The following PCDHA8 variants were observed in gnomAD, a reference collection of about 807,000 sequenced individuals.
PCDHA8 encodes the protein protocadherin alpha-8.
PCDHA8 carries 53 observed loss-of-function variants against 61.8 expected under a neutral mutation model. That is an observed-to-expected ratio of 0.86 (90% CI 0.69 to 1.08). The LOEUF (loss-of-function observed/expected upper bound fraction) is 1.08. Ranked by LOEUF, PCDHA8 falls within the 50% of genes least tolerant of loss-of-function variation. The probability of loss-of-function intolerance (pLI) is 0.00; values close to 1 mark genes in which losing one functional copy is unlikely to be tolerated. For synonymous variants in PCDHA8, 618 were observed against 556.6 expected (o/e 1.11, Z -1.55); for missense variants, 1,293 against 1,245.0 (o/e 1.04, Z -0.58).
chr5:140,980,810 GA>G (rs1410107766), intron 2 of PCDHA8, among the ~76,000 whole-genome samples: 5 of 152,024 alleles, frequency 3.3e-5, no homozygotes, highest in Non-Finnish European at 7.4e-5. Context: ...GTAATACATT[GA>G]ACATATTAAA....
chr5:140,890,836 C>A (rs1189670490), intron 1 of PCDHA8, among the ~76,000 whole-genome samples: 1 of 151,884 alleles, frequency 6.6e-6, no homozygotes, highest in Admixed American at 6.6e-5. Flanking sequence ...ACATATTTAC[C>A]AGTTTTGTTT....
chr5:140,948,645 C>T (rs1468901970), intron 1 of PCDHA8, among the ~76,000 whole-genome samples: 1 of 151,562 alleles, frequency 6.6e-6, no homozygotes. Flanking sequence ...CATCTTTTAA[C>T]GTCTGTATAA....
chr5:140,942,122 G>A (rs2093234713), intron 1 of PCDHA8, among the ~76,000 whole-genome samples: 1 of 152,064 alleles, frequency 6.6e-6, no homozygotes, highest in Non-Finnish European at 1.5e-5. Flanking sequence ...TTTATTAAAG[G>A]TGATATTTGT....
At chr5:140,895,904 C>T (rs956599707) in intron 1 of PCDHA8, among the ~76,000 whole-genome samples, 10 of 152,136 alleles carry the variant, frequency 6.6e-5, no homozygotes, top group South Asian at 2.1e-4. Flanking sequence ...CTCCGCGTCC[C>T]GGGCTCAACA....
intron 3 of PCDHA8, among the ~76,000 whole-genome samples, chr5:140,984,053 TC>T (rs2097083610): frequency 6.6e-6 from 1 of 152,154 alleles, no homozygotes; most frequent in Non-Finnish European, 1.5e-5. Flanking sequence ...CATTGACAAA[TC>T]TGTACCCTCA....
chr5:140,933,704 T>C (rs1436562602), intron 1 of PCDHA8, among the ~76,000 whole-genome samples: 1 of 152,084 alleles, frequency 6.6e-6, no homozygotes, highest in African/African-American at 2.4e-5. Flanking sequence ...CGGACACATT[T>C]ACTGAGATTG....
intron 1 of PCDHA8, chr5:140,871,553 G>GT (rs555355563): frequency 9.2e-4 from 1,372 of 1,491,042 alleles, no homozygotes; most frequent in South Asian, 9.1e-4. Flanking sequence ...TTAAAATCCA[G>GT]TTTTTTTTCA....
intron 1 of PCDHA8, among the ~76,000 whole-genome samples, chr5:140,906,547 C>T (rs2072745421): frequency 6.6e-6 from 1 of 152,218 alleles, no homozygotes; most frequent in Non-Finnish European, 1.5e-5. Flanking sequence ...CTCATTTCTG[C>T]AACTGGTTGT....
intron 1 of PCDHA8, among the ~76,000 whole-genome samples, chr5:140,964,075 AT>A (rs1277799626): frequency 9.2e-5 from 14 of 152,324 alleles, no homozygotes; most frequent in African/African-American, 3.1e-4. Flanking sequence ...TAGTGTTAAT[AT>A]TTGTAGAAAG....
At chr5:140,981,338 G>A (rs1563488090) in intron 2 of PCDHA8, among the ~76,000 whole-genome samples, 1 of 152,100 alleles carries the variant, frequency 6.6e-6, no homozygotes, top group Non-Finnish European at 1.5e-5. Context: ...CTTTGGGAGG[G>A]TGAGGCAGGT....
rs2150347171 is a variant in PCDHA8, at chr5:140,842,877, C to T, written c.1556C>T (p.Ala519Val). Residue 519 changes from alanine to valine, a missense_variant, in exon 1 of 4, where the codon GCG (alanine) becomes GTG (valine). Physicochemically the swap from Ala to Val is moderately conservative, Grantham distance 64. Coordinates refer to ENST00000531613, the MANE Select transcript of PCDHA8 (RefSeq NM_018911.3). Reference sequence around the variant, plus strand: ...CACACGGAGAGCGGCAAGGTGTACGCGCTGCAGCCGCTGGACCACGAGGAG... The same window carrying T: ...CACACGGAGAGCGGCAAGGTGTACGTGCTGCAGCCGCTGGACCACGAGGAG... ...SVHTESGKVYALQPLDHEELE... is the reference protein window; with the variant it reads ...SVHTESGKVYVLQPLDHEELE... 18 of 1,593,980 alleles carry T rather than the reference C, an allele frequency of 1.1e-5. 2 individuals carry two copies. Among genetic ancestry groups the T allele is most frequent in the Non-Finnish European group, 1.5e-5 (18 of 1,165,432 alleles).
At chr5:140,858,750 C>T (rs1397058081) in intron 1 of PCDHA8, 3 of 453,980 alleles carry the variant, frequency 6.6e-6, no homozygotes, top group South Asian at 3.1e-5. Flanking sequence ...AATCACTTTT[C>T]GTTACAAATA....
At chr5:140,906,766 C>T (rs1162031965) in intron 1 of PCDHA8, among the ~76,000 whole-genome samples, 1 of 152,224 alleles carries the variant, frequency 6.6e-6, no homozygotes, top group African/African-American at 2.4e-5. Flanking sequence ...TACTAAGAGA[C>T]ACCCTAAGGG....
intron 1 of PCDHA8, chr5:140,855,801 T>C: frequency 2.1e-6 from 1 of 474,526 alleles, no homozygotes. Context: ...AACATATGAA[T>C]GAAAGAAAAG....
intron 1 of PCDHA8, chr5:140,869,694 G>A (rs782372405): frequency 6.2e-7 from 1 of 1,613,394 alleles, no homozygotes; most frequent in Non-Finnish European, 8.5e-7. Flanking sequence ...TTATTTTAAA[G>A]AAGTCTCTGG....
intron 2 of PCDHA8, 37 bp from the exon 3 acceptor site, chr5:140,982,438 T>G: frequency 3.8e-5 from 61 of 1,608,838 alleles, no homozygotes; most frequent in Non-Finnish European, 4.8e-5. Context: ...AAAGAATTTA[T>G]GATCTAACCG....
Position 140,845,229 on chromosome 5 carries a change from T to A in PCDHA8, c.2394+1514T>A, listed in dbSNP as rs189699970. Among the ~76,000 whole-genome samples, 147 of 149,698 alleles carry A rather than the reference T, an allele frequency of 9.8e-4. 9 individuals are homozygous for A. The highest frequency in any genetic ancestry group is 3.4e-3 in the African/African-American group (141 of 40,992). ...TAAGTCCTTTTAAAAAATATGATTA[T>A]CTTTATTATCCTGTTTGAATAATAT... On this transcript the variant is annotated intron_variant, in intron 1 of 3. Coordinates refer to ENST00000531613, the MANE Select transcript of PCDHA8 (RefSeq NM_018911.3).
rs2150441270 is a variant in PCDHA8, at chr5:140,849,579, G to A, written c.2394+5864G>A. ...AACGCTCTCGGTTCCTGTAAAAGAG[G>A]ACGCACAACTGGGGACAGTTATTGC... On this transcript the variant is annotated intron_variant, in intron 1 of 3. Coordinates refer to ENST00000531613, the MANE Select transcript of PCDHA8 (RefSeq NM_018911.3). 7 of 1,598,680 alleles carry A rather than the reference G, an allele frequency of 4.4e-6. 3 individuals carry two copies. The highest frequency in any genetic ancestry group is 2.2e-5 in the South Asian group (2 of 90,552).
intron 1 of PCDHA8, among the ~76,000 whole-genome samples, chr5:140,964,435 C>G (rs2095833359): frequency 6.6e-6 from 1 of 152,108 alleles, no homozygotes; most frequent in African/African-American, 2.4e-5. Context: ...AATTACCAAG[C>G]CTCTGCCACT....
Sources: allele counts gnomAD v4.1 joint callset (sites outside exome capture counted in the v4.1 genomes callset), GRCh38; gene constraint gnomAD v4.1.1; transcripts MANE v1.5; gene names NCBI Gene and HGNC (gene_info 2026-07-23, HGNC 2026-07-21).